SEMA6D: variants seen among roughly 807,000 people sequenced by gnomAD.
SEMA6D encodes the protein semaphorin-6D.
A neutral mutation model predicts 106.6 loss-of-function variants in SEMA6D; 35 were observed. That is an observed-to-expected ratio of 0.33 (90% CI 0.25 to 0.44). The LOEUF (loss-of-function observed/expected upper bound fraction) is 0.44, where lower values mean the gene tolerates loss of function less well. Among genes scored for constraint, SEMA6D ranks in the 20% least tolerant of loss-of-function variants. The pLI, the probability that SEMA6D is intolerant of heterozygous loss-of-function variation, is 1.00. For synonymous variants in SEMA6D, 499 were observed against 487.7 expected, an observed-to-expected ratio of 1.02 and a Z score of -0.31; for missense variants, 1,185 against 1,345.9, an observed-to-expected ratio of 0.88 and a Z score of 1.87.
chr15:47,684,349 G>T (rs2078425501), intron 4 of SEMA6D, among the ~76,000 whole-genome samples: 1 of 151,732 alleles, frequency 6.6e-6, no homozygotes, highest in African/African-American at 2.4e-5. Context: ...TTTAAAACTG[G>T]AAAATTATAC....
intron 2 of SEMA6D, among the ~76,000 whole-genome samples, chr15:47,415,569 G>C (rs2040938599): frequency 1.3e-5 from 2 of 151,932 alleles, no homozygotes; most frequent in Admixed American, 1.3e-4. Flanking sequence ...TCCTTTGATT[G>C]TTTACAATCC....
At chr15:47,644,665 AG>A (rs1383451760) in intron 4 of SEMA6D, among the ~76,000 whole-genome samples, 1 of 152,216 alleles carries the variant, frequency 6.6e-6, no homozygotes, top group Admixed American at 6.5e-5. Flanking sequence ...GGCCCTCGCC[AG>A]ACACCAAATG....
At chr15:47,455,430 T>C (rs2042318768) in intron 2 of SEMA6D, among the ~76,000 whole-genome samples, 1 of 151,982 alleles carries the variant, frequency 6.6e-6, no homozygotes, top group Non-Finnish European at 1.5e-5. Context: ...ATTCATGCAT[T>C]GTTTTGACAC....
intron 3 of SEMA6D, among the ~76,000 whole-genome samples, chr15:47,597,041 T>G (rs1311003023): frequency 6.6e-6 from 1 of 151,906 alleles, no homozygotes; most frequent in Non-Finnish European, 1.5e-5. Context: ...TGATAAGGGG[T>G]TAATATCCAA....
chr15:47,212,739 C>T (rs9944240), intron 1 of SEMA6D, among the ~76,000 whole-genome samples: 56,935 of 151,896 alleles, frequency 0.37, 11,017 homozygotes, highest in Middle Eastern at 0.52. Context: ...ATCTCTTTTC[C>T]GATGAGAGGA....
chr15:47,195,409 C>G (rs1894270146), intron 1 of SEMA6D, among the ~76,000 whole-genome samples: 1 of 152,192 alleles, frequency 6.6e-6, no homozygotes, highest in Admixed American at 6.5e-5. Context: ...AAATGATTAT[C>G]TGGTGTTGAG....
At chr15:47,515,638 T>G (rs972349602) in intron 3 of SEMA6D, among the ~76,000 whole-genome samples, 4 of 152,166 alleles carry the variant, frequency 2.6e-5, no homozygotes, top group Non-Finnish European at 5.9e-5. Context: ...GGAAGGACCC[T>G]CTCCTGGAGG....
chr15:47,519,248 A>G (rs1298355087), intron 3 of SEMA6D, among the ~76,000 whole-genome samples: 2 of 152,210 alleles, frequency 1.3e-5, no homozygotes, highest in East Asian at 3.8e-4. Context: ...GACTTTGTAC[A>G]AAGGCAGCAC....
chr15:47,211,645 G>A (rs1435247369), intron 1 of SEMA6D, among the ~76,000 whole-genome samples: 1 of 152,000 alleles, frequency 6.6e-6, no homozygotes, highest in Admixed American at 6.6e-5. Context: ...ATAAGATTTG[G>A]AATCAAAAAT....
At chr15:47,484,201 G>C (rs2043229659) in intron 3 of SEMA6D, among the ~76,000 whole-genome samples, 1 of 152,142 alleles carries the variant, frequency 6.6e-6, no homozygotes, top group Non-Finnish European at 1.5e-5. Context: ...GCAGCAGGAA[G>C]GGTATTTTCA....
intron 1 of SEMA6D, among the ~76,000 whole-genome samples, chr15:47,329,529 AG>A (rs2144032727): frequency 6.6e-6 from 1 of 152,382 alleles, no homozygotes; most frequent in African/African-American, 2.4e-5. Flanking sequence ...TAGCTTAAGT[AG>A]AGTAAATCAT....
chr15:47,195,944 C>T (rs1459216002), intron 1 of SEMA6D, among the ~76,000 whole-genome samples: 1 of 152,056 alleles, frequency 6.6e-6, no homozygotes, highest in South Asian at 2.1e-4. Context: ...AAAGCAAGGC[C>T]CCCCAGGCCA....
intron 1 of SEMA6D, among the ~76,000 whole-genome samples, chr15:47,728,202 C>G (rs2079886520): frequency 6.6e-6 from 1 of 152,198 alleles, no homozygotes; most frequent in Non-Finnish European, 1.5e-5. Flanking sequence ...GCACTCCCCA[C>G]TTGGAGACTC....
At chr15:47,749,466 T>C (rs2081315535) in intron 1 of SEMA6D, among the ~76,000 whole-genome samples, 1 of 152,130 alleles carries the variant, frequency 6.6e-6, no homozygotes, top group Non-Finnish European at 1.5e-5. Context: ...ATAATATTAG[T>C]AATATTATTA....
chr15:47,538,870 A>G (rs1178938197), intron 3 of SEMA6D, among the ~76,000 whole-genome samples: 1 of 152,224 alleles, frequency 6.6e-6, no homozygotes. Context: ...GATACAAAGA[A>G]CAGACACACC....
intron 1 of SEMA6D, among the ~76,000 whole-genome samples, chr15:47,379,710 T>C (rs980518012): frequency 6.6e-6 from 1 of 152,160 alleles, no homozygotes; most frequent in Admixed American, 6.5e-5. Context: ...AGACATGAAA[T>C]GTAAAGTGCT....
At chr15:47,407,403 C>CAAAAAAAAAAAAAAAAAAAAA (rs1462088729) in intron 1 of SEMA6D, among the ~76,000 whole-genome samples, 2 of 82,262 alleles carry the variant, frequency 2.4e-5, no homozygotes, top group East Asian at 3.6e-4. Flanking sequence ...ACAACAACAA[C>CAAAAAAAAAAAAAAAAAAAAA]AACAACAAAA....
At chr15:47,589,803 G>A (rs986220707) in intron 3 of SEMA6D, among the ~76,000 whole-genome samples, 3 of 152,198 alleles carry the variant, frequency 2.0e-5, no homozygotes, top group African/African-American at 7.2e-5. Context: ...TGTGTTGGCA[G>A]AAGCCAAATT....
intron 1 of SEMA6D, among the ~76,000 whole-genome samples, chr15:47,744,538 G>T (rs1364419395): frequency 1.3e-5 from 2 of 152,136 alleles, no homozygotes; most frequent in Non-Finnish European, 2.9e-5. Context: ...GACACTTAAA[G>T]GCCGTATTTC....
Sources: gnomAD v4.1 joint callset for allele counts (sites outside exome capture counted in the v4.1 genomes callset) on GRCh38, gnomAD v4.1.1 for gene constraint, MANE v1.5 for transcripts, NCBI Gene and HGNC (gene_info 2026-07-23, HGNC 2026-07-21) for gene names.